The following PSMD1 variants were observed in gnomAD, a reference collection of about 807,000 sequenced individuals.
The protein encoded by PSMD1 is proteasome 26S subunit, non-ATPase 1.
Under a neutral mutation model 119.0 loss-of-function variants are expected in PSMD1, and 18 were observed. That is an observed-to-expected ratio of 0.15 (90% CI 0.10 to 0.22). The LOEUF is 0.22. Ranked by LOEUF, PSMD1 falls within the 10% of genes least tolerant of loss-of-function variation. The probability of loss-of-function intolerance (pLI) is 1.00; values close to 1 mark genes in which losing one functional copy is unlikely to be tolerated. For missense variants in PSMD1, 702 were observed against 1,158.5 expected (o/e 0.61, Z 5.72); for synonymous variants, 374 against 396.6 (o/e 0.94, Z 0.68).
intron 16 of PSMD1, among the ~76,000 whole-genome samples, chr2:231,102,020 G>A (rs1244561871): frequency 1.3e-5 from 2 of 152,258 alleles, no homozygotes; most frequent in South Asian, 4.1e-4. Context: ...GTGTCTCACT[G>A]TGTTGCCCAG....
intron 16 of PSMD1, chr2:231,113,907 A>G (rs768865599): frequency 5.0e-6 from 8 of 1,614,158 alleles, no homozygotes; most frequent in Non-Finnish European, 1.7e-6. Context: ...GACATAGAAC[A>G]AGTGGGAGGG....
At chr2:231,163,172 A>C (rs1696681229) in intron 20 of PSMD1, 2 of 152,782 alleles carry the variant, frequency 1.3e-5, no homozygotes, top group Non-Finnish European at 2.9e-5. Flanking sequence ...GGTAATGTGA[A>C]GCTGACTTTC....
At chr2:231,094,260 T>G (rs955616691) in intron 16 of PSMD1, among the ~76,000 whole-genome samples, 4 of 152,106 alleles carry the variant, frequency 2.6e-5, no homozygotes, top group Non-Finnish European at 5.9e-5. Flanking sequence ...ATTGTTTAGT[T>G]AAATTACTCC....
rs374478578 is a variant in PSMD1, at chr2:231,067,711, C to T, written c.510+600C>T. Among the ~76,000 whole-genome samples the T allele has an allele frequency of 5.3e-5, 8 of 152,010 alleles. No homozygotes were observed. The East Asian group carries it at 9.7e-4, about 18-fold the overall frequency. ...TCGCTCTGTCAACCAGGCTGGAGTGCGGTGGCGCAATCTTGGCTCACTGAA... is the reference window on the plus strand; with the variant it reads ...TCGCTCTGTCAACCAGGCTGGAGTGTGGTGGCGCAATCTTGGCTCACTGAA... On this transcript the variant is annotated intron_variant, in intron 5 of 24. Coordinates refer to ENST00000308696, the MANE Select transcript of PSMD1 (RefSeq NM_002807.4).
Position 231,070,053 on chromosome 2 carries a change from G to A in PSMD1, c.539G>A (p.Ser180Asn). The change falls in exon 6 of 25, where the codon AGC (serine) becomes AAC (asparagine). Residue 180 changes from serine to asparagine, a missense_variant. Transcript: ENST00000308696. ...GATGTCCCAGGAATGTTAGCTTATA[G>A]CCTTAAGCTCTGCATGTCTTTAATG... Reference protein sequence around the residue: ...SNDVPGMLAYSLKLCMSLMQN... With the variant: ...SNDVPGMLAYNLKLCMSLMQN... 1 of 1,509,010 alleles carries A rather than the reference G, an allele frequency of 6.6e-7. No individual in the cohort carries two copies. The highest frequency in any genetic ancestry group is 8.9e-7 in the Non-Finnish European group (1 of 1,126,682). The allele number at this position is 1,509,010 out of a possible 1,614,324, so 93.5% of individuals were successfully genotyped here.
intron 19 of PSMD1, among the ~76,000 whole-genome samples, chr2:231,160,904 AG>A (rs750130830): frequency 1.3e-5 from 2 of 152,202 alleles, no homozygotes; most frequent in African/African-American, 4.8e-5. Flanking sequence ...TCCCTACTGC[AG>A]CACTTACAAA....
intron 16 of PSMD1, among the ~76,000 whole-genome samples, chr2:231,129,219 G>A (rs1052292636): frequency 3.3e-5 from 5 of 152,258 alleles, no homozygotes; most frequent in Middle Eastern, 3.4e-3. Flanking sequence ...TATCAATACA[G>A]TTCTCAATGA....
intron 16 of PSMD1, among the ~76,000 whole-genome samples, chr2:231,131,594 C>A (rs1695854347): frequency 1.1e-5 from 1 of 93,516 alleles, no homozygotes; most frequent in Non-Finnish European, 1.8e-5. Flanking sequence ...AACCCCGTCT[C>A]TACTAAAAAT....
At chr2:231,120,160 C>T (rs963647204) in intron 16 of PSMD1, among the ~76,000 whole-genome samples, 1 of 152,074 alleles carries the variant, frequency 6.6e-6, no homozygotes, top group African/African-American at 2.4e-5. Context: ...CCATCTTGGC[C>T]AGGCTGGTCT....
chr2:231,146,946 G>A (rs1317656165), intron 18 of PSMD1, among the ~76,000 whole-genome samples: 1 of 152,154 alleles, frequency 6.6e-6, no homozygotes, highest in African/African-American at 2.4e-5. Flanking sequence ...TGTACATTTT[G>A]CCCTTCTGCA....
At chr2:231,085,471 C>A (rs1461039779) in intron 15 of PSMD1, among the ~76,000 whole-genome samples, 1 of 152,188 alleles carries the variant, frequency 6.6e-6, no homozygotes, top group East Asian at 1.9e-4. Flanking sequence ...CCATTTATTT[C>A]TTTTTACAGC....
At chr2:231,115,161 G>C (rs555816688) in intron 16 of PSMD1, among the ~76,000 whole-genome samples, 4 of 151,974 alleles carry the variant, frequency 2.6e-5, no homozygotes, top group African/African-American at 9.7e-5. Flanking sequence ...TAAGGAGCCT[G>C]GGGGTGGAGA....
Position 231,079,590 on chromosome 2 carries a change from A to G in PSMD1, c.1215A>G (p.Thr405=). 1 of 1,607,942 alleles carries G rather than the reference A, an allele frequency of 6.2e-7. No individual in the cohort carries two copies. Among genetic ancestry groups the G allele is most frequent in the Middle Eastern group, 1.7e-4 (1 of 6,038 alleles). Residue 405 remains threonine, a synonymous_variant, in exon 11 of 25, where the codon ACA becomes ACG. Transcript: ENST00000308696. ...CTAACTGGGCAAAATTTACTGCTAC[A>G]GCCAGTTTGGGTGTAATTCATAAGG... The part of the protein sequence containing the change: ...RATNWAKFTA[T]ASLGVIHKGH...
At chr2:231,123,858 A>G (rs904151267) in intron 16 of PSMD1, 1 of 1,029,898 alleles carries the variant, frequency 9.7e-7, no homozygotes, top group African/African-American at 1.6e-5. Flanking sequence ...CATTGTAACC[A>G]TGCCAAACAC....
At chr2:231,102,933 C>T (rs1694903714) in intron 16 of PSMD1, among the ~76,000 whole-genome samples, 1 of 152,106 alleles carries the variant, frequency 6.6e-6, no homozygotes, top group Admixed American at 6.6e-5. Flanking sequence ...TGAAATTACA[C>T]AGTAAGTTGC....
chr2:231,165,609 C>G (rs1030841798), intron 22 of PSMD1, among the ~76,000 whole-genome samples: 2 of 152,142 alleles, frequency 1.3e-5, no homozygotes, highest in African/African-American at 4.8e-5. Context: ...AAGGGATTAT[C>G]ACTTGTTTAG....
At chr2:231,163,768 A>G in intron 21 of PSMD1, 41 bp downstream of exon 21, 2 of 1,413,724 alleles carry the variant, frequency 1.4e-6, no homozygotes, top group Non-Finnish European at 2.0e-6. Context: ...GTACTTAAAT[A>G]TAGGAGCCAC....
At chr2:231,162,556 T>C (rs1696665587) in intron 20 of PSMD1, among the ~76,000 whole-genome samples, 1 of 152,190 alleles carries the variant, frequency 6.6e-6, no homozygotes, top group Non-Finnish European at 1.5e-5. Context: ...CCAAACAATT[T>C]TATGACTGCT....
chr2:231,116,586 G>A (rs951845230), intron 16 of PSMD1, among the ~76,000 whole-genome samples: 2 of 151,918 alleles, frequency 1.3e-5, no homozygotes, highest in African/African-American at 2.4e-5. Context: ...TAAAAAGTAC[G>A]TGTCTTTGGA....
Sources: gnomAD v4.1 joint callset for allele counts (sites outside exome capture counted in the v4.1 genomes callset) on GRCh38, gnomAD v4.1.1 for gene constraint, MANE v1.5 for transcripts, NCBI Gene and HGNC (gene_info 2026-07-23, HGNC 2026-07-21) for gene names.